Variants in DGKB observed in about 807,000 individuals in gnomAD.
DGKB encodes the protein diacylglycerol kinase beta, also known as 90 kDa diacylglycerol kinase.
Under a neutral mutation model 114.3 loss-of-function variants are expected in DGKB, and 67 were observed. The observed-to-expected ratio is 0.59, with a 90% CI of 0.48 to 0.72. DGKB has a LOEUF of 0.72. DGKB is among the 30% of genes least tolerant of loss of function. The pLI is 0.00. For missense variants in DGKB, 907 were observed against 975.2 expected (o/e 0.93, Z 0.93); for synonymous variants, 398 against 323.1 (o/e 1.23, Z -2.49).
chr7:14,889,050 A>G (rs969667266), intron 1 of DGKB, among the ~76,000 whole-genome samples: 7 of 151,650 alleles, frequency 4.6e-5, no homozygotes. Flanking sequence ...CCAGTCCACA[A>G]AAGACTCTAC....
chr7:14,616,350 C>A (rs11972478), intron 15 of DGKB, among the ~76,000 whole-genome samples: 40,885 of 150,774 alleles, frequency 0.27, 6,350 homozygotes, highest in East Asian at 0.69. Flanking sequence ...TATGAGGTAC[C>A]AATGTAGTTA....
intron 1 of DGKB, among the ~76,000 whole-genome samples, chr7:14,929,567 A>G (rs1024071851): frequency 1.3e-5 from 2 of 151,916 alleles, no homozygotes; most frequent in South Asian, 2.1e-4. Flanking sequence ...TTTTAATAAG[A>G]TTATTTGTTT....
Position 14,573,264 on chromosome 7 carries a change from A to C in DGKB, c.1770+948T>G, listed in dbSNP as rs570268224. On this transcript the variant is annotated intron_variant, in intron 20 of 25. Transcript: ENST00000402815. ...ATTGTATATTTAGCCTTCATCATGT[A>C]CCACTCTATGAGATTCTTTAAATGT... 7.7e-4 allele frequency among the ~76,000 whole-genome samples: 118 copies of C among 152,274 alleles called. 2 individuals carry two copies. In the South Asian group the frequency reaches 0.02, roughly 26 times the overall value.
intron 2 of DGKB, among the ~76,000 whole-genome samples, chr7:14,831,070 T>A (rs1342298425): frequency 6.6e-6 from 1 of 151,918 alleles, no homozygotes; most frequent in Non-Finnish European, 1.5e-5. Context: ...TCTTCCTGGA[T>A]AAATATAGAA....
chr7:14,528,632 A>G (rs1791035755), intron 20 of DGKB, among the ~76,000 whole-genome samples: 1 of 152,158 alleles, frequency 6.6e-6, no homozygotes, highest in Non-Finnish European at 1.5e-5. Context: ...GAGTAGTTAT[A>G]TGGTAATACA....
In DGKB at chr7:14,567,185, A is replaced by G. The variant is rs531071472; in HGVS notation, c.1770+7027T>C. Among the ~76,000 whole-genome samples, 81 of 90,718 alleles carry G rather than the reference A, an allele frequency of 8.9e-4. 3 individuals carry two copies. The South Asian group carries it at 0.022, about 25-fold the overall frequency. 59.5% of individuals were successfully genotyped at this position (90,718 alleles called of 152,430 possible). Reference sequence around the variant, plus strand: ...ATATTTATATATATTATATATAATTATATATTTATATATTATATATATTAT... The same window carrying G: ...ATATTTATATATATTATATATAATTGTATATTTATATATTATATATATTAT... On this transcript the variant is annotated intron_variant, in intron 20 of 25. Transcript: ENST00000402815.
chr7:14,231,082 C>CCTTTCTTTCTTTCTTTCTTT (rs201778587), intron 23 of DGKB, among the ~76,000 whole-genome samples: 1 of 121,764 alleles, frequency 8.2e-6, no homozygotes, highest in Non-Finnish European at 1.8e-5. Context: ...TTCTTCTTTC[C>CCTTTCTTTCTTTCTTTCTTT]CTTTCTTTCT....
At chr7:14,971,679 G>A (rs1787476922) in intron 1 of DGKB, among the ~76,000 whole-genome samples, 1 of 151,436 alleles carries the variant, frequency 6.6e-6, no homozygotes, top group Admixed American at 6.6e-5. Flanking sequence ...AAAAATTCCT[G>A]GATAGATGAA....
intron 23 of DGKB, among the ~76,000 whole-genome samples, chr7:14,329,952 T>C (rs1809432164): frequency 6.6e-6 from 1 of 152,008 alleles, no homozygotes; most frequent in Non-Finnish European, 1.5e-5. Context: ...TCTGCCACTA[T>C]TTTCAATAGA....
chr7:14,249,099 G>C (rs983384613), intron 23 of DGKB, among the ~76,000 whole-genome samples: 1 of 152,044 alleles, frequency 6.6e-6, no homozygotes, highest in African/African-American at 2.4e-5. Flanking sequence ...CTATTTAGGG[G>C]ATCACATGGT....
chr7:14,428,748 T>G (rs1827970952), intron 21 of DGKB, among the ~76,000 whole-genome samples: 1 of 152,070 alleles, frequency 6.6e-6, no homozygotes, highest in South Asian at 2.1e-4. Context: ...TGTATGTTTT[T>G]GCATTACATT....
At chr7:14,384,614 T>C (rs1820025576) in intron 21 of DGKB, among the ~76,000 whole-genome samples, 1 of 152,228 alleles carries the variant, frequency 6.6e-6, no homozygotes, top group Non-Finnish European at 1.5e-5. Flanking sequence ...AATAGTTACT[T>C]AATTATATAG....
intron 21 of DGKB, among the ~76,000 whole-genome samples, chr7:14,415,734 T>A (rs1825627840): frequency 6.6e-6 from 1 of 152,172 alleles, no homozygotes. Context: ...TAAACCTACA[T>A]GTGCATGTGT....
At chr7:14,322,645 A>G (rs1376616213) in intron 23 of DGKB, among the ~76,000 whole-genome samples, 1 of 152,174 alleles carries the variant, frequency 6.6e-6, no homozygotes, top group Non-Finnish European at 1.5e-5. Flanking sequence ...TCTGATGTTT[A>G]AGACTTTGTA....
chr7:14,177,968 C>T, intron 24 of DGKB, 63 bp downstream of exon 24: 1 of 1,465,898 alleles, frequency 6.8e-7, no homozygotes, highest in Middle Eastern at 1.8e-4. Context: ...GTTCTGCATA[C>T]TTTTAATTAG....
chr7:14,253,015 C>A (rs1319952391), intron 23 of DGKB, among the ~76,000 whole-genome samples: 3 of 151,852 alleles, frequency 2.0e-5, no homozygotes, highest in Non-Finnish European at 4.4e-5. Context: ...GATATCTTTG[C>A]ATGTAAATGA....
chr7:14,467,202 T>A (rs1252311836), intron 21 of DGKB, among the ~76,000 whole-genome samples: 1 of 149,290 alleles, frequency 6.7e-6, no homozygotes. Flanking sequence ...TTACTTACTG[T>A]TTTTAAATAT....
rs1260993721 is a variant in DGKB at position 14,956,670 on chromosome 7, A to T, written c.-188+18026T>A. 2.0e-5 allele frequency among the ~76,000 whole-genome samples: 3 copies of T among 152,052 alleles called. No individual in the cohort carries two copies. In the East Asian group the frequency reaches 5.8e-4, roughly 29 times the overall value. On this transcript the variant is annotated intron_variant, in intron 1 of 4. Transcript: ENST00000437998. ...GCAAAATTTCATTGTCTATACAAGA[A>T]ATATTATTGTAACATCAAAGATCAA...
At chr7:14,814,087 T>C (rs1843775854) in intron 2 of DGKB, 1 of 152,202 alleles carries the variant, frequency 6.6e-6, no homozygotes, top group Non-Finnish European at 1.5e-5. Flanking sequence ...AATTGATTCC[T>C]CAATATTTAT....
Sources: allele counts gnomAD v4.1 joint callset (sites outside exome capture counted in the v4.1 genomes callset), GRCh38; gene constraint gnomAD v4.1.1; transcripts MANE v1.5; gene names NCBI Gene and HGNC (gene_info 2026-07-23, HGNC 2026-07-21).